Variants in IREB2 observed in about 807,000 individuals in gnomAD.
The protein encoded by IREB2 is iron-responsive element-binding protein 2.
A neutral mutation model predicts 118.8 loss-of-function variants in IREB2; 39 were observed. The observed-to-expected ratio is 0.33, with a 90% CI of 0.25 to 0.43. The LOEUF (loss-of-function observed/expected upper bound fraction) is 0.43. Among genes scored for constraint, IREB2 ranks in the 20% least tolerant of loss-of-function variants. The probability of loss-of-function intolerance (pLI) is 1.00; values close to 1 mark genes in which losing one functional copy is unlikely to be tolerated. For synonymous variants in IREB2, 372 were observed against 392.2 expected, an observed-to-expected ratio of 0.95 and a Z score of 0.61; for missense variants, 900 against 1,147.3, an observed-to-expected ratio of 0.78 and a Z score of 3.11.
intron 5 of IREB2, among the ~76,000 whole-genome samples, chr15:78,467,426 G>A (rs933974418): frequency 2.0e-5 from 3 of 151,890 alleles, no homozygotes; most frequent in East Asian, 1.9e-4. Context: ...GCGCGGTGGC[G>A]CATGCCTGGA....
At chr15:78,440,003 A>C in intron 2 of IREB2, 122 bp downstream of exon 2, 1 of 605,904 alleles carries the variant, frequency 1.7e-6, no homozygotes, top group East Asian at 3.1e-5. Context: ...ACACCTACAC[A>C]TACCTATACC....
At position 78,476,226 on chromosome 15, in the gene IREB2, GT is replaced by G; in HGVS notation, c.1068del (p.Phe356LeufsTer10). 1 of 1,601,702 alleles carries G rather than the reference GT, an allele frequency of 6.2e-7. No homozygotes were observed. The highest frequency in any genetic ancestry group is 8.5e-7 in the Non-Finnish European group (1 of 1,170,786). On this transcript the variant is annotated frameshift_variant, in exon 9 of 22. Coordinates refer to ENST00000258886, the MANE Select transcript of IREB2 (RefSeq NM_004136.4). LOFTEE classifies it high-confidence loss of function. ...QVGVAGKFVE[F>X]FGSGVSQLSI... is the part of the protein sequence containing the mutation. ...TAGGAGTGGCTGGAAAGTTTGTTGA[GT>G]TTTTTGGAAGTGGAGTTTCACAATT...
intron 8 of IREB2, 193 bp from the exon 9 acceptor site, chr15:78,475,995 A>G (rs2051463116): frequency 7.1e-6 from 3 of 421,104 alleles, no homozygotes; most frequent in East Asian, 3.4e-5. Flanking sequence ...GTGACATTGG[A>G]CCAGTCTTCT....
rs1275538231 is a variant in IREB2 at position 78,471,765 on chromosome 15, G to T, written c.724G>T (p.Val242Leu). 6.2e-7 allele frequency: 1 copy of T among 1,608,808 alleles called. No homozygotes were observed. The highest frequency in any genetic ancestry group is 1.3e-5 in the African/African-American group (1 of 74,740). The change falls in exon 7 of 22, where the codon GTG (valine) becomes TTG (leucine). Residue 242 changes from valine to leucine, a missense_variant. Coordinates refer to ENST00000258886, the MANE Select transcript of IREB2 (RefSeq NM_004136.4). ...FKWSSRVFKN[V>L]AVIPPGTGMA... Reference sequence around the variant, plus strand: ...GTGGAGTTCAAGAGTTTTTAAGAATGTGGCAGTGATCCCTCCTGGAACTGG... The same window carrying T: ...GTGGAGTTCAAGAGTTTTTAAGAATTTGGCAGTGATCCCTCCTGGAACTGG...
At chr15:78,445,867 C>T (rs186104944) in intron 2 of IREB2, among the ~76,000 whole-genome samples, 15 of 152,200 alleles carry the variant, frequency 9.9e-5, no homozygotes, top group Non-Finnish European at 1.6e-4. Flanking sequence ...TCACTGCAGC[C>T]TGGACCTCCC....
At chr15:78,489,415 A>G (rs1426087864) in intron 16 of IREB2, among the ~76,000 whole-genome samples, 1 of 152,220 alleles carries the variant, frequency 6.6e-6, no homozygotes, top group Non-Finnish European at 1.5e-5. Context: ...TGTTCAGAAT[A>G]CATCATTGAA....
intron 2 of IREB2, among the ~76,000 whole-genome samples, chr15:78,452,189 G>T (rs2051037611): frequency 6.6e-6 from 1 of 152,126 alleles, no homozygotes; most frequent in Non-Finnish European, 1.5e-5. Flanking sequence ...GAGGCATTGA[G>T]GAAAATGCCT....
At chr15:78,482,231 A>G (rs1043739378) in intron 10 of IREB2, among the ~76,000 whole-genome samples, 2 of 152,176 alleles carry the variant, frequency 1.3e-5, no homozygotes, top group African/African-American at 4.8e-5. Context: ...CCCTTTCACA[A>G]TAAAAATAAT....
At chr15:78,447,024 G>A (rs745391696) in intron 2 of IREB2, among the ~76,000 whole-genome samples, 7 of 152,166 alleles carry the variant, frequency 4.6e-5, no homozygotes, top group Admixed American at 1.3e-4. Context: ...GGGGTTTATT[G>A]TGAAGATTTG....
chr15:78,482,640 AT>A (rs146474671), intron 10 of IREB2, among the ~76,000 whole-genome samples: 7,487 of 152,212 alleles, frequency 0.049, 258 homozygotes, highest in Middle Eastern at 0.078. Context: ...AGGAGGGTAG[AT>A]TTGGAGCTCA....
intron 16 of IREB2, among the ~76,000 whole-genome samples, chr15:78,489,398 G>C (rs2051712917): frequency 1.3e-5 from 2 of 152,180 alleles, no homozygotes; most frequent in Non-Finnish European, 2.9e-5. Context: ...AGAAAGAATT[G>C]ATTAGGTGTT....
chr15:78,444,159 G>A (rs2050890367), intron 2 of IREB2, among the ~76,000 whole-genome samples: 1 of 152,052 alleles, frequency 6.6e-6, no homozygotes, highest in South Asian at 2.1e-4. Flanking sequence ...CTGAGCTCAG[G>A]AGATCCTCCC....
rs943486731 is a variant in IREB2 at position 78,494,190 on chromosome 15, C to G, written c.2521C>G (p.Leu841Val). The change falls in exon 20 of 22, where the codon CTG (leucine) becomes GTG (valine). Residue 841 changes from leucine to valine, a missense_variant. Coordinates refer to ENST00000258886, the MANE Select transcript of IREB2 (RefSeq NM_004136.4). The stretch of plus-strand genomic sequence containing the variant: ...GCTGTACCAGAAAGAAGGTATCCCA[C>G]TGATTATTTTAGCAGGAAAGAAATA... ...AELYQKEGIP[L>V]IILAGKKYGS... The G allele has an allele frequency of 1.2e-6, 2 of 1,613,890 alleles. No individual in the cohort carries two copies. Among genetic ancestry groups the G allele is most frequent in the Non-Finnish European group, 1.7e-6 (2 of 1,179,910 alleles).
At chr15:78,438,079 C>T (rs1373704153), upstream of IREB2, 1 of 492,380 alleles carries the variant, frequency 2.0e-6, no homozygotes, top group Non-Finnish European at 3.7e-6. Flanking sequence ...GCGGCGACGG[C>T]GCGAGAAATC....
At chr15:78,490,788 T>G (rs1294839965) in intron 18 of IREB2, 27 bp downstream of exon 18, 3 of 1,601,336 alleles carry the variant, frequency 1.9e-6, no homozygotes, top group African/African-American at 2.7e-5. Flanking sequence ...TTAGAGTGTT[T>G]TTGTTTTTTC....
In IREB2 at chr15:78,438,535, T is replaced by C. The variant is rs942096257; in HGVS notation, c.19+179T>C. ...CCCTTTGAGCCTAGGCCGCGGAAGC[T>C]GGGGCTCCCGATCCCCACCCTCCTG... On this transcript the variant is annotated intron_variant, in intron 1 of 21. Transcript: ENST00000258886. 1.4e-5 allele frequency: 9 copies of C among 665,972 alleles called. No individual in the cohort carries two copies. In the African/African-American group the frequency reaches 1.5e-4, roughly 11 times the overall value. 41.3% of individuals were successfully genotyped at this position (665,972 alleles called of 1,614,324 possible). A position where few individuals can be genotyped will look rare whatever the true frequency, so the allele number is the denominator to read the frequency against.
chr15:78,494,395 G>T, intron 20 of IREB2, 131 bp downstream of exon 20: 1 of 867,888 alleles, frequency 1.2e-6, no homozygotes, highest in Non-Finnish European at 1.8e-6. Context: ...AGAGGGTTTT[G>T]TTTGTTTGTT....
chr15:78,445,600 G>T (rs140205483), intron 2 of IREB2, among the ~76,000 whole-genome samples: 1,949 of 152,314 alleles, frequency 0.013, 42 homozygotes, highest in African/African-American at 0.044. Flanking sequence ...TCACTTAAAG[G>T]CTGCCTGGTT....
chr15:78,452,704 C>T (rs2051045754), intron 2 of IREB2, among the ~76,000 whole-genome samples: 1 of 151,866 alleles, frequency 6.6e-6, no homozygotes, highest in South Asian at 2.1e-4. Context: ...CCCAGGAGTT[C>T]GAGACCAGCC....
Sources: gnomAD v4.1 joint callset for allele counts (sites outside exome capture counted in the v4.1 genomes callset) on GRCh38, gnomAD v4.1.1 for gene constraint, MANE v1.5 for transcripts, NCBI Gene and HGNC (gene_info 2026-07-23, HGNC 2026-07-21) for gene names.